The following AMBP variants were observed in gnomAD, a reference collection of about 807,000 sequenced individuals.
AMBP encodes protein AMBP.
A neutral mutation model predicts 46.3 loss-of-function variants in AMBP; 37 were observed. The observed-to-expected ratio is 0.80, with a 90% CI of 0.61 to 1.05. AMBP has a LOEUF of 1.05. AMBP is among the 50% of genes least tolerant of loss of function. AMBP has a pLI of 0.00. For missense variants in AMBP, 475 were observed against 461.2 expected, an observed-to-expected ratio of 1.03 and a Z score of -0.27; for synonymous variants, 174 against 175.9, an observed-to-expected ratio of 0.99 and a Z score of 0.09.
chr9:114,060,299 G>T (rs1181368170), intron 9 of AMBP, 29 bp from the exon 10 acceptor site: 2 of 1,611,486 alleles, frequency 1.2e-6, no homozygotes, highest in Non-Finnish European at 1.7e-6. Flanking sequence ...TCAGGGAGGG[G>T]TCCGTAGGCA....
intron 9 of AMBP, 86 bp downstream of exon 9, chr9:114,060,839 C>A: frequency 6.8e-7 from 1 of 1,472,298 alleles, no homozygotes; most frequent in South Asian, 1.3e-5. Context: ...GAACTCAGCT[C>A]TCCAGACCCC....
intron 4 of AMBP, among the ~76,000 whole-genome samples, chr9:114,073,520 C>T: frequency 7.8e-6 from 1 of 128,358 alleles, no homozygotes; most frequent in Non-Finnish European, 1.6e-5. Context: ...TTTTTTGAGA[C>T]AGGGTCTTGC....
chr9:114,074,950 C>T lies in AMBP; in HGVS notation c.337+10G>A, dbSNP rs200699822. The T allele has an allele frequency of 2.6e-5, 42 of 1,612,554 alleles. No homozygotes were observed. The highest frequency in any genetic ancestry group is 1.7e-6 in the Non-Finnish European group (2 of 1,178,672). ...GAGAGAATGCATGTGTCTCTTTCCA[C>T]TCCACTTACTGGATTTGTGATAGAG... is the stretch of plus-strand genomic sequence containing the variant. On this transcript the variant is annotated intron_variant, in intron 3 of 9. Coordinates refer to ENST00000265132, the MANE Select transcript of AMBP (RefSeq NM_001633.4).
chr9:114,068,697 A>G (rs1293172407), intron 6 of AMBP, among the ~76,000 whole-genome samples: 13 of 151,428 alleles, frequency 8.6e-5, no homozygotes, highest in Admixed American at 7.2e-4. Context: ...TAATAACAGT[A>G]TATCTAAATT....
chr9:114,062,729 T>C lies in AMBP; in HGVS notation c.633A>G (p.Glu211=), dbSNP rs773533238. The C allele has an allele frequency of 3.7e-6, 6 of 1,613,946 alleles. No homozygotes were observed. Among genetic ancestry groups the C allele is most frequent in the Admixed American group, 1.7e-5 (1 of 59,992 alleles). ...GTTGCCCACCCCCTGATCCTTCCTCTTCTTGGGGTAGCACAGCCCTCCGGA... is the reference window on the plus strand; with the variant it reads ...GTTGCCCACCCCCTGATCCTTCCTCCTCTTGGGGTAGCACAGCCCTCCGGA... ...PRVRRAVLPQ[E]EEGSGGGQLV... Residue 211 remains glutamate (E), a synonymous_variant, in exon 7 of 10, where the codon GAA becomes GAG. Coordinates refer to ENST00000265132, the MANE Select transcript of AMBP (RefSeq NM_001633.4).
intron 4 of AMBP, 125 bp from the exon 5 acceptor site, chr9:114,073,151 T>A (rs939141113): frequency 1.3e-6 from 1 of 773,414 alleles, no homozygotes; most frequent in Non-Finnish European, 2.0e-6. Flanking sequence ...CAGTTTAATC[T>A]ATTTGATACA....
At chr9:114,073,097 T>C in intron 4 of AMBP, 71 bp from the exon 5 acceptor site, 1 of 1,394,806 alleles carries the variant, frequency 7.2e-7, no homozygotes, top group Non-Finnish European at 9.8e-7. Flanking sequence ...GAAATGATTT[T>C]GCCCAGTGAT....
rs79692587 is a variant in AMBP, at chr9:114,062,329, G to A, written c.685+348C>T. Among the ~76,000 whole-genome samples the A allele has an allele frequency of 5.9e-5, 9 of 152,076 alleles. No individual in the cohort carries two copies. In the East Asian group the frequency reaches 9.7e-4, roughly 16 times the overall value. ...ACAAAGCATTCACATGTCCCTCCCC[G>A]ACTTCCTCCTACAAGAGCCCTGATG... On this transcript the variant is annotated intron_variant, in intron 7 of 9. Transcript: ENST00000265132.
At chr9:114,061,327 T>G (rs1174255285) in intron 8 of AMBP, 97 bp downstream of exon 8, 2 of 1,566,676 alleles carry the variant, frequency 1.3e-6, no homozygotes, top group Non-Finnish European at 1.7e-6. Context: ...ACCACTGGAA[T>G]GCCCTCTGTT....
Position 114,075,028 on chromosome 9 carries a change from A to C in AMBP, c.269T>G (p.Val90Gly). 6.2e-7 allele frequency: 1 copy of C among 1,614,058 alleles called. No individual in the cohort carries two copies. Among genetic ancestry groups the C allele is most frequent in the Non-Finnish European group, 8.5e-7 (1 of 1,179,954 alleles). The change falls in exon 3 of 10, where the codon GTC becomes GGC. Residue 90 changes from valine to glycine, a missense_variant. Coordinates refer to ENST00000265132, the MANE Select transcript of AMBP (RefSeq NM_001633.4). ...SMTSTRWRKGVCEETSGAYEK... is the reference protein window; with the variant it reads ...SMTSTRWRKGGCEETSGAYEK... ...ATAAGCTCCAGACGTCTCCTCACAG[A>C]CACCTTTCCTAGAAATGAACAAATC...
intron 6 of AMBP, among the ~76,000 whole-genome samples, chr9:114,067,550 C>T (rs1031886096): frequency 6.6e-6 from 1 of 152,092 alleles, no homozygotes. Context: ...GCCACTGCAC[C>T]CAACCCCCAA....
intron 6 of AMBP, among the ~76,000 whole-genome samples, chr9:114,063,372 C>CTTG (rs1477432164): frequency 6.6e-6 from 1 of 152,168 alleles, no homozygotes; most frequent in Admixed American, 6.6e-5. Context: ...CAGGTGAGAC[C>CTTG]TGGAACTTGA....
At position 114,078,202 on chromosome 9, in the gene AMBP, C is replaced by T. The variant is rs1176355717; in HGVS notation, c.8G>A (p.Ser3Asn). 1.9e-6 allele frequency: 3 copies of T among 1,612,222 alleles called. No homozygotes were observed. Among genetic ancestry groups the T allele is most frequent in the Admixed American group, 3.3e-5 (2 of 60,026 alleles). Residue 3 changes from serine to asparagine, a missense_variant, in exon 1 of 10, where the codon AGC becomes AAC. Ser to Asn is a conservative substitution (Grantham distance 46, BLOSUM62 1). This residue lies in a region of AMBP where 179 missense variants were observed against 167.4 expected (regional missense o/e 1.07). Coordinates refer to ENST00000265132, the MANE Select transcript of AMBP (RefSeq NM_001633.4). Reference protein sequence around the residue: MRSLGALLLLLSA... With the variant: MRNLGALLLLLSA... ...CAGCAGCAAGAGCAGGGCCCCGAGG[C>T]TCCTCATGGCTATGGGCTCCTCTGC...
At chr9:114,066,748 G>A (rs1051111281) in intron 6 of AMBP, among the ~76,000 whole-genome samples, 2 of 152,116 alleles carry the variant, frequency 1.3e-5, no homozygotes, top group Non-Finnish European at 2.9e-5. Context: ...AGATGAAAGC[G>A]ACTGGGAAGA....
chr9:114,074,171 C>G lies in AMBP; in HGVS notation c.338-19G>C. 6.2e-7 allele frequency: 1 copy of G among 1,600,690 alleles called. No homozygotes were observed. Among genetic ancestry groups the G allele is most frequent in the Non-Finnish European group, 8.6e-7 (1 of 1,167,858 alleles). On this transcript the variant is annotated intron_variant, in intron 3 of 9. Coordinates refer to ENST00000265132, the MANE Select transcript of AMBP (RefSeq NM_001633.4). ...TTCCATTCTGCATGGGAGGTGCAGG[C>G]AGACCAAAGGGATCAGTGGTCAGTA...
intron 8 of AMBP, 106 bp from the exon 9 acceptor site, chr9:114,061,204 T>A: frequency 1.4e-6 from 2 of 1,447,138 alleles, no homozygotes; most frequent in Non-Finnish European, 1.9e-6. Flanking sequence ...GAACACCTCA[T>A]CCCTCGTTGA....
Position 114,060,917 on chromosome 9 carries a change from C to T in AMBP, c.1027+8G>A, listed in dbSNP as rs760946963. 4.3e-6 allele frequency: 7 copies of T among 1,611,496 alleles called. No homozygotes were observed. Among genetic ancestry groups the T allele is most frequent in the Non-Finnish European group, 5.9e-6 (7 of 1,178,546 alleles). Reference sequence around the variant, plus strand: ...CGGCCCAGCCTGGCACCCTGCAGGGCTGCCTACCATCACCAGGGACACCGC... The same window carrying T: ...CGGCCCAGCCTGGCACCCTGCAGGGTTGCCTACCATCACCAGGGACACCGC... On this transcript the variant is annotated splice_region_variant and intron_variant, in intron 9 of 9. Transcript: ENST00000265132.
Position 114,061,610 on chromosome 9 carries a change from G to A in AMBP, c.686-19C>T. 6.3e-7 allele frequency: 1 copy of A among 1,579,226 alleles called. No individual in the cohort carries two copies. The highest frequency in any genetic ancestry group is 2.1e-4 in the Middle Eastern group (1 of 4,846). ...CAGGAATCTAGGGAGGGGCAGACCA[G>A]CAGCACTGACCAAGTGTTGACTGTG... On this transcript the variant is annotated intron_variant, in intron 7 of 9. Transcript: ENST00000265132.
chr9:114,065,422 T>G (rs775143460), intron 6 of AMBP, among the ~76,000 whole-genome samples: 11 of 152,148 alleles, frequency 7.2e-5, no homozygotes, highest in Non-Finnish European at 1.5e-4. Context: ...CCAGAGGCCA[T>G]GGGAGAGACA....
Sources: allele counts gnomAD v4.1 joint callset (sites outside exome capture counted in the v4.1 genomes callset), GRCh38; gene constraint gnomAD v4.1.1; regional missense constraint gnomAD v4.1.1; transcripts MANE v1.5; gene names NCBI Gene and HGNC (gene_info 2026-07-23, HGNC 2026-07-21).